The following DLL3 variants were observed in gnomAD, a reference collection of about 807,000 sequenced individuals.
DLL3 encodes delta like canonical Notch ligand 3.
Under a neutral mutation model 55.0 loss-of-function variants are expected in DLL3, and 49 were observed. The observed-to-expected ratio is 0.89, with a 90% CI of 0.71 to 1.13. The LOEUF is 1.13. Among genes scored for constraint, DLL3 ranks in the 50% most tolerant of loss-of-function variants. The pLI, the probability that DLL3 is intolerant of heterozygous loss-of-function variation, is 0.00. For synonymous variants in DLL3, 421 were observed against 385.2 expected, an observed-to-expected ratio of 1.09 and a Z score of -1.09; for missense variants, 962 against 875.5, an observed-to-expected ratio of 1.10 and a Z score of -1.25.
Position 39,507,848 on chromosome 19 carries a change from T to A in DLL3, c.1692T>A (p.Asn564Lys), listed in dbSNP as rs2079653734. 6.2e-7 allele frequency: 1 copy of A among 1,614,040 alleles called. No individual in the cohort carries two copies. Among genetic ancestry groups the A allele is most frequent in the African/African-American group, 1.3e-5 (1 of 74,902 alleles). ...CCCACAGCTCGTCCGTAGATTGGAATCGCCCTGAAGATGTAGACCCTCAAG... is the reference window on the plus strand; with the variant it reads ...CCCACAGCTCGTCCGTAGATTGGAAACGCCCTGAAGATGTAGACCCTCAAG... ...GDGPSSSVDW[N>K]RPEDVDPQGI... is the part of the protein sequence containing the mutation. Residue 564 changes from asparagine to lysine, a missense_variant, in exon 8 of 9, where the codon AAT becomes AAA. Physicochemically the swap from Asn to Lys is moderately conservative, Grantham distance 94. Coordinates refer to ENST00000356433, the MANE Select transcript of DLL3 (RefSeq NM_203486.3).
chr19:39,507,922 C>A lies in DLL3; in HGVS notation c.1758+8C>A. ...TCCATCTACGCTCGGGAGGTAGCGA[C>A]GCCCCTTTTCCCCCCGCTACACACT... On this transcript the variant is annotated splice_region_variant and intron_variant, in intron 8 of 8. Coordinates refer to ENST00000356433, the MANE Select transcript of DLL3 (RefSeq NM_203486.3). 1 of 1,614,096 alleles carries A rather than the reference C, an allele frequency of 6.2e-7. No individual in the cohort carries two copies. The highest frequency in any genetic ancestry group is 8.5e-7 in the Non-Finnish European group (1 of 1,180,020).
chr19:39,507,027 C>T lies in DLL3; in HGVS notation c.1094-12C>T, dbSNP rs1292734907. On this transcript the variant is annotated splice_polypyrimidine_tract_variant and intron_variant, in intron 6 of 8. Transcript: ENST00000356433. Reference sequence around the variant, plus strand: ...TCCCGGACTGCGCCCTCTGATGCTCCCTTCCCCACAGGCGGACTCTGCCTG... The same window carrying T: ...TCCCGGACTGCGCCCTCTGATGCTCTCTTCCCCACAGGCGGACTCTGCCTG... The T allele has an allele frequency of 2.6e-6, 4 of 1,533,632 alleles. No homozygotes were observed. In the Admixed American group the frequency reaches 7.8e-5, roughly 30 times the overall value.
intron 2 of DLL3, 26 bp downstream of exon 2, chr19:39,499,499 C>G: frequency 6.4e-7 from 1 of 1,574,586 alleles, no homozygotes; most frequent in Non-Finnish European, 8.6e-7. Flanking sequence ...GGGGGACTCC[C>G]GGTGCTGGAG....
At chr19:39,503,189 T>G in intron 4 of DLL3, 132 bp downstream of exon 4, 24 of 911,896 alleles carry the variant, frequency 2.6e-5, no homozygotes, top group Non-Finnish European at 3.1e-5. Flanking sequence ...CCCCACCATG[T>G]ACCCCAGGCA....
chr19:39,501,236 C>T (rs144345839), intron 3 of DLL3, among the ~76,000 whole-genome samples: 7,905 of 152,142 alleles, frequency 0.052, 678 homozygotes, highest in African/African-American at 0.18. Context: ...CTCCTGACCT[C>T]GTGATTCACC....
chr19:39,504,194 G>T lies in DLL3; in HGVS notation c.776G>T (p.Ser259Ile). 6.2e-7 allele frequency: 1 copy of T among 1,612,430 alleles called. No homozygotes were observed. The change falls in exon 5 of 9, where the codon AGC (serine) becomes ATC (isoleucine). Residue 259 changes from serine to isoleucine, a missense_variant. Coordinates refer to ENST00000356433, the MANE Select transcript of DLL3 (RefSeq NM_203486.3). ...TVPVSTSSCLSPRGPSSATTG... is the reference protein window; with the variant it reads ...TVPVSTSSCLIPRGPSSATTG... ...CCTGTCTCCACCAGCAGCTGCCTCAGCCCCAGGGGCCCGTCCTCTGCTACC... is the reference window on the plus strand; with the variant it reads ...CCTGTCTCCACCAGCAGCTGCCTCATCCCCAGGGGCCCGTCCTCTGCTACC...
chr19:39,499,264 TC>T lies in DLL3; in HGVS notation c.147del (p.Cys50AlafsTer15), dbSNP rs1568447909. On this transcript the variant is annotated frameshift_variant, in exon 2 of 9. Coordinates refer to ENST00000356433, the MANE Select transcript of DLL3 (RefSeq NM_203486.3). LOFTEE classifies it high-confidence loss of function. ...GGGTCCAGGCCCTGGGGCCCCGCGG[TC>T]CCCCTGCAGCGCCCGGCTCCCCTGC... is the stretch of plus-strand genomic sequence containing the variant. ...GPGPGPGAPR[S>X]PCSARLPCRL... 1.3e-6 allele frequency: 2 copies of T among 1,542,590 alleles called. No homozygotes were observed. Among genetic ancestry groups the T allele is most frequent in the Non-Finnish European group, 8.7e-7 (1 of 1,148,600 alleles).
Position 39,506,998 on chromosome 19 carries a change from C to T in DLL3, c.1094-41C>T, listed in dbSNP as rs745719132. 8 of 1,527,150 alleles carry T rather than the reference C, an allele frequency of 5.2e-6. No individual in the cohort carries two copies. The South Asian group carries it at 6.0e-5, about 11-fold the overall frequency. 94.6% of individuals were successfully genotyped at this position (1,527,150 alleles called of 1,614,324 possible). On this transcript the variant is annotated intron_variant, in intron 6 of 8. Transcript: ENST00000356433. ...GAAACAGCGCGGGCAGGTGGGTCCCCGGCTCCCGGACTGCGCCCTCTGATG... is the reference window on the plus strand; with the variant it reads ...GAAACAGCGCGGGCAGGTGGGTCCCTGGCTCCCGGACTGCGCCCTCTGATG...
At chr19:39,502,789 C>T (rs2079616722) in intron 3 of DLL3, 26 bp from the exon 4 acceptor site, 1 of 1,396,496 alleles carries the variant, frequency 7.2e-7, no homozygotes, top group Non-Finnish European at 9.3e-7. Context: ...CCCACCCCAG[C>T]ACCCCTCCTT....
chr19:39,500,420 T>TTCC (rs2079602884), intron 2 of DLL3, among the ~76,000 whole-genome samples, 195 bp from the exon 3 acceptor site: 1 of 93,676 alleles, frequency 1.1e-5, no homozygotes, highest in Non-Finnish European at 2.2e-5. Flanking sequence ...AGTGAGATTC[T>TTCC]CCCCCCCCCC....
chr19:39,502,803 C>A lies in DLL3; in HGVS notation c.410-12C>A. 7.1e-7 allele frequency: 1 copy of A among 1,412,526 alleles called. No homozygotes were observed. The highest frequency in any genetic ancestry group is 1.6e-5 in the South Asian group (1 of 63,740). The allele number at this position is 1,412,526 out of a possible 1,614,324, so 87.5% of individuals were successfully genotyped here. The stretch of plus-strand genomic sequence containing the variant: ...GCCCACCCCAGCACCCCTCCTTTGC[C>A]TGTCCTCGCAGGGCCCGCCTGGAGC... On this transcript the variant is annotated splice_polypyrimidine_tract_variant and intron_variant, in intron 3 of 8. Transcript: ENST00000356433.
At chr19:39,502,292 T>TCTTG (rs979797799) in intron 3 of DLL3, among the ~76,000 whole-genome samples, 16 of 151,134 alleles carry the variant, frequency 1.1e-4, no homozygotes, top group African/African-American at 3.9e-4. Context: ...TGAGAGGGAG[T>TCTTG]CTTGCTCTGT....
At position 39,498,984 on chromosome 19, in the gene DLL3, C is replaced by G. The variant is rs1161041207; in HGVS notation, c.10C>G (p.Pro4Ala). Residue 4 changes from proline (P) to alanine (A), a missense_variant, in exon 1 of 9, where the codon CCA (proline) becomes GCA (alanine). Physicochemically the swap from Pro to Ala is conservative, Grantham distance 27. Transcript: ENST00000356433. Reference sequence around the variant, plus strand: ...CCCCCACCAGAAGGCCATGGTCTCCCCACGGATGTCCGGGCTCCTCTCCCA... The same window carrying G: ...CCCCCACCAGAAGGCCATGGTCTCCGCACGGATGTCCGGGCTCCTCTCCCA... MVS[P>A]RMSGLLSQTV... The G allele has an allele frequency of 6.2e-7, 1 of 1,613,952 alleles. No individual in the cohort carries two copies. The highest frequency in any genetic ancestry group is 1.3e-5 in the African/African-American group (1 of 74,884).
chr19:39,501,435 G>T (rs1185640725), intron 3 of DLL3, among the ~76,000 whole-genome samples: 1 of 152,134 alleles, frequency 6.6e-6, no homozygotes, highest in Non-Finnish European at 1.5e-5. Flanking sequence ...CAACTTGGGA[G>T]ACTCTGTTGC....
Position 39,507,359 on chromosome 19 carries a change from G to A in DLL3, c.1414G>A (p.Gly472Ser). The A allele has an allele frequency of 1.3e-6, 2 of 1,571,828 alleles. No individual in the cohort carries two copies. The highest frequency in any genetic ancestry group is 1.7e-6 in the Non-Finnish European group (2 of 1,164,964). The part of the protein sequence containing the change: ...ARCEFPVHPD[G>S]ASALPAAPPG... ...GTGTGAGTTCCCAGTGCACCCCGAC[G>A]GCGCAAGCGCCTTGCCCGCGGCCCC... Residue 472 changes from glycine (G) to serine (S), a missense_variant, in exon 7 of 9, where the codon GGC becomes AGC. Transcript: ENST00000356433.
At chr19:39,501,420 A>G (rs1049888115) in intron 3 of DLL3, among the ~76,000 whole-genome samples, 1 of 152,094 alleles carries the variant, frequency 6.6e-6, no homozygotes, top group Non-Finnish European at 1.5e-5. Flanking sequence ...GGGCATTCCT[A>G]TCCTCAACTT....
intron 6 of DLL3, 65 bp downstream of exon 6, chr19:39,505,516 G>A (rs2079635472): frequency 6.3e-7 from 1 of 1,581,366 alleles, no homozygotes; most frequent in African/African-American, 1.3e-5. Flanking sequence ...AGACAGTCCA[G>A]GGTTGGAATC....
intron 2 of DLL3, 105 bp downstream of exon 2, chr19:39,499,578 C>T (rs911239838): frequency 6.9e-7 from 1 of 1,451,932 alleles, no homozygotes; most frequent in East Asian, 2.5e-5. Context: ...TCCTGCCTCC[C>T]AGGGGGTGGA....
At chr19:39,506,366 C>CG (rs2079641224) in intron 6 of DLL3, among the ~76,000 whole-genome samples, 2 of 128,204 alleles carry the variant, frequency 1.6e-5, no homozygotes, top group South Asian at 2.3e-4. Flanking sequence ...GACTCCGTTT[C>CG]GAAAAAAAAA....
Sources: gnomAD v4.1 joint callset for allele counts (sites outside exome capture counted in the v4.1 genomes callset) on GRCh38, gnomAD v4.1.1 for gene constraint, MANE v1.5 for transcripts, NCBI Gene and HGNC (gene_info 2026-07-23, HGNC 2026-07-21) for gene names.